Variants in JMJD1C observed in about 807,000 individuals in gnomAD.
JMJD1C encodes jumonji domain containing 1C, also known as jumonji domain-containing protein 1C.
A neutral mutation model predicts 245.3 loss-of-function variants in JMJD1C; 31 were observed. The observed-to-expected ratio is 0.13, with a 90% confidence interval of 0.09 to 0.17. The LOEUF (loss-of-function observed/expected upper bound fraction) is 0.17. Among genes scored for constraint, JMJD1C ranks in the 10% least tolerant of loss-of-function variants. The pLI, the probability that JMJD1C is intolerant of heterozygous loss-of-function variation, is 1.00. For synonymous variants in JMJD1C, 1,057 were observed against 1,017.4 expected, an observed-to-expected ratio of 1.04 and a Z score of -0.74; for missense variants, 2,691 against 3,000.2, an observed-to-expected ratio of 0.90 and a Z score of 2.41.
chr10:63,370,192 G>C (rs1946187503), intron 2 of JMJD1C, among the ~76,000 whole-genome samples: 1 of 152,118 alleles, frequency 6.6e-6, no homozygotes, highest in Non-Finnish European at 1.5e-5. Flanking sequence ...TACTTTCTCT[G>C]CAATAAACTG....
intron 3 of JMJD1C, among the ~76,000 whole-genome samples, chr10:63,228,594 C>T (rs1048054603): frequency 2.6e-5 from 4 of 152,172 alleles, no homozygotes; most frequent in African/African-American, 9.6e-5. Flanking sequence ...TTGCCTTTTC[C>T]TAATTAAAAA....
rs1296556746 is a variant in JMJD1C, at chr10:63,272,754, T to C, written c.334-7990A>G. ...CTTAATATAACAAACTATCAAATTT[T>C]AAGTACTTTAGTACATTTCCCCAAT... On this transcript the variant is annotated intron_variant, in intron 2 of 25. Coordinates refer to ENST00000399262, the MANE Select transcript of JMJD1C (RefSeq NM_032776.3). Among the ~76,000 whole-genome samples the C allele has an allele frequency of 2.0e-5, 3 of 152,242 alleles. No individual in the cohort carries two copies. The East Asian group carries it at 5.8e-4, about 29-fold the overall frequency.
At chr10:63,509,630 T>C (rs1023328154) in intron 1 of JMJD1C, among the ~76,000 whole-genome samples, 5 of 152,226 alleles carry the variant, frequency 3.3e-5, no homozygotes, top group African/African-American at 1.2e-4. Flanking sequence ...TTGTGTGACT[T>C]TTGGCAGATT....
chr10:63,333,074 A>G (rs1040025256), intron 2 of JMJD1C, among the ~76,000 whole-genome samples: 9 of 152,104 alleles, frequency 5.9e-5, no homozygotes, highest in Non-Finnish European at 7.3e-5. Context: ...CACAGTTTTT[A>G]TAACACTGGC....
intron 1 of JMJD1C, among the ~76,000 whole-genome samples, chr10:63,461,273 C>G (rs906826735): frequency 2.0e-5 from 3 of 152,144 alleles, no homozygotes; most frequent in Non-Finnish European, 1.5e-5. Flanking sequence ...CTATAGTAAA[C>G]CTATCAAGAT....
intron 2 of JMJD1C, among the ~76,000 whole-genome samples, chr10:63,305,680 G>GTGTGTGTGTA (rs1564761658): frequency 1.5e-5 from 2 of 137,078 alleles, no homozygotes; most frequent in Admixed American, 1.5e-4. Flanking sequence ...GTGTGTGTGT[G>GTGTGTGTGTA]TGTTGAAAGA....
intron 1 of JMJD1C, among the ~76,000 whole-genome samples, chr10:63,389,655 TA>T (rs1227455599): frequency 6.6e-6 from 1 of 151,988 alleles, no homozygotes; most frequent in African/African-American, 2.4e-5. Context: ...TGGACACAAA[TA>T]GAGTCTCAAC....
intron 1 of JMJD1C, among the ~76,000 whole-genome samples, chr10:63,493,367 T>C (rs905558948): frequency 3.4e-5 from 5 of 145,754 alleles, no homozygotes; most frequent in African/African-American, 1.3e-4. Context: ...GTTCAAGCGA[T>C]TCTCCTGCCT....
exon 1 of JMJD1C, chr10:63,521,744 C>T (rs1955253957): frequency 2.6e-6 from 1 of 383,644 alleles, no homozygotes; most frequent in Non-Finnish European, 4.6e-6. Context: ...TCACCTTGGT[C>T]CACGTCGCTG....
At chr10:63,427,787 A>T in intron 1 of JMJD1C, 1 of 1,338,534 alleles carries the variant, frequency 7.5e-7, no homozygotes, top group Non-Finnish European at 1.1e-6. Context: ...GGTTTTGAAT[A>T]TATCTTGGCA....
At chr10:63,426,611 C>T (rs1950456104) in intron 1 of JMJD1C, among the ~76,000 whole-genome samples, 1 of 151,966 alleles carries the variant, frequency 6.6e-6, no homozygotes, top group South Asian at 2.1e-4. Context: ...GCGGAAGTTG[C>T]AGTGAGCCAA....
intron 1 of JMJD1C, among the ~76,000 whole-genome samples, chr10:63,414,936 G>C (rs1949715348): frequency 8.5e-6 from 1 of 117,282 alleles, no homozygotes; most frequent in Admixed American, 8.1e-5. Context: ...TCCAACACTA[G>C]AGAAAAAAAA....
Position 63,183,433 on chromosome 10 carries a change from T to C in JMJD1C, c.7084+14A>G, listed in dbSNP as rs1843728068. 1 of 1,601,540 alleles carries C rather than the reference T, an allele frequency of 6.2e-7. No homozygotes were observed. Among genetic ancestry groups the C allele is most frequent in the African/African-American group, 1.3e-5 (1 of 74,344 alleles). Reference sequence around the variant, plus strand: ...AACTCTTATTTCAAAGACTACTTATTCTTTTAAGTTTACCTGCTTTTGAGA... The same window carrying C: ...AACTCTTATTTCAAAGACTACTTATCCTTTTAAGTTTACCTGCTTTTGAGA... On this transcript the variant is annotated intron_variant, in intron 22 of 25. Coordinates refer to ENST00000399262, the MANE Select transcript of JMJD1C (RefSeq NM_032776.3).
At chr10:63,461,531 A>T (rs1051433714) in intron 1 of JMJD1C, among the ~76,000 whole-genome samples, 1 of 152,218 alleles carries the variant, frequency 6.6e-6, no homozygotes, top group African/African-American at 2.4e-5. Flanking sequence ...AATCACTTTA[A>T]ATTTCCTAAA....
chr10:63,268,831 T>C, intron 2 of JMJD1C: 1 of 985,858 alleles, frequency 1.0e-6, no homozygotes, highest in Non-Finnish European at 1.2e-6. Context: ...AACCAAGCAT[T>C]TCTGAGCTCA....
At chr10:63,258,674 G>C (rs561761155) in intron 3 of JMJD1C, among the ~76,000 whole-genome samples, 1 of 152,138 alleles carries the variant, frequency 6.6e-6, no homozygotes, top group South Asian at 2.1e-4. Flanking sequence ...AACCATTTCA[G>C]TCTTTATTGA....
rs1323429476 is a variant in JMJD1C, at chr10:63,305,463, T to TCC, written c.334-40700_334-40699insGG. ...GACATGGCAAGACGCTCTGACCCTC[T>TCC]CTCTCTCTCTCTCTCTCTCTCTCTC... On this transcript the variant is annotated intron_variant, in intron 2 of 25. Transcript: ENST00000399262. 1.8e-4 allele frequency among the ~76,000 whole-genome samples: 19 copies of TCC among 104,038 alleles called. 1 individual carries two copies. Among genetic ancestry groups the TCC allele is most frequent in the African/African-American group, 1.3e-3 (19 of 14,934 alleles). The allele number at this position is 104,038 out of a possible 152,430, so 68.3% of individuals were successfully genotyped here. A position where few individuals can be genotyped will look rare whatever the true frequency, so the allele number is the denominator to read the frequency against.
chr10:63,350,277 T>C (rs1944236915), intron 2 of JMJD1C, among the ~76,000 whole-genome samples: 1 of 152,162 alleles, frequency 6.6e-6, no homozygotes, highest in African/African-American at 2.4e-5. Context: ...ATTAGATACA[T>C]ACTAAAGGGT....
In JMJD1C at chr10:63,184,826, A is replaced by G. The variant is rs1025866876; in HGVS notation, c.6831-88T>C. ...ATATAATTTTCAAGTTGTTCAAAAC[A>G]GCAGACTACCTTTCCATAAGACAGG... On this transcript the variant is annotated intron_variant, in intron 20 of 25. Coordinates refer to ENST00000399262, the MANE Select transcript of JMJD1C (RefSeq NM_032776.3). 10 of 1,228,900 alleles carry G rather than the reference A, an allele frequency of 8.1e-6. No homozygotes were observed. In the Admixed American group the frequency reaches 9.9e-5, roughly 12 times the overall value. The allele number at this position is 1,228,900 out of a possible 1,614,324, so 76.1% of individuals were successfully genotyped here. A position where few individuals can be genotyped will look rare whatever the true frequency, so the allele number is the denominator to read the frequency against.
Sources: gnomAD v4.1 joint callset for allele counts (sites outside exome capture counted in the v4.1 genomes callset) on GRCh38, gnomAD v4.1.1 for gene constraint, MANE v1.5 for transcripts, NCBI Gene and HGNC (gene_info 2026-07-23, HGNC 2026-07-21) for gene names.